PCDHA1: variants seen among roughly 807,000 people sequenced by gnomAD.
PCDHA1 encodes protocadherin alpha 1.
A neutral mutation model predicts 61.3 loss-of-function variants in PCDHA1; 42 were observed. The ratio of observed to expected loss-of-function variants is 0.69; its 90% confidence interval spans 0.54 to 0.89. PCDHA1 has a LOEUF of 0.89. Ranked by LOEUF, PCDHA1 falls within the 40% of genes least tolerant of loss-of-function variation. The pLI is 0.00. For synonymous variants in PCDHA1, 610 were observed against 553.8 expected (o/e 1.10, Z -1.43); for missense variants, 1,256 against 1,235.3 (o/e 1.02, Z -0.25).
At chr5:141,004,378 G>A (rs914260481) in intron 3 of PCDHA1, among the ~76,000 whole-genome samples, 3 of 152,198 alleles carry the variant, frequency 2.0e-5, no homozygotes, top group Admixed American at 6.5e-5. Context: ...TCTGCTCTGC[G>A]GAAGCTGGAC....
rs550922282 is a variant in PCDHA1, at chr5:140,927,864, T to C, written c.2395-51085T>C. On this transcript the variant is annotated intron_variant, in intron 1 of 3. Transcript: ENST00000504120. The stretch of plus-strand genomic sequence containing the variant: ...GTGTCTTTGGTTTAGCTAGCACCGC[T>C]AAACTGCTGGTGGAGGTGACTGACG... The C allele has an allele frequency of 6.8e-6, 11 of 1,614,200 alleles. No homozygotes were observed. In the South Asian group the frequency reaches 1.2e-4, roughly 18 times the overall value.
chr5:140,929,557 A>G (rs782792383), intron 1 of PCDHA1: 64 of 478,142 alleles, frequency 1.3e-4, no homozygotes, highest in Non-Finnish European at 1.9e-4. Flanking sequence ...ATTAAAACCT[A>G]TTTAAGAACA....
chr5:140,793,577 G>A (rs1416631361), intron 1 of PCDHA1, among the ~76,000 whole-genome samples: 2 of 152,112 alleles, frequency 1.3e-5, no homozygotes, highest in African/African-American at 4.8e-5. Flanking sequence ...CTTTGCTCTA[G>A]GAAGCTGAAA....
rs2150133814 is a variant in PCDHA1 at position 140,824,269 on chromosome 5, A to G, written c.2394+35585A>G. 4 of 1,222,710 alleles carry G rather than the reference A, an allele frequency of 3.3e-6. No homozygotes were observed. The South Asian group carries it at 5.6e-5, about 17-fold the overall frequency. The allele number at this position is 1,222,710 out of a possible 1,614,324, so 75.7% of individuals were successfully genotyped here. On this transcript the variant is annotated intron_variant, in intron 1 of 3. Coordinates refer to ENST00000504120, the MANE Select transcript of PCDHA1 (RefSeq NM_018900.4). ...ACACAATTATTGCACTAATTCATGT[A>G]TTATATGCTTTTTATGAGGCTTTTC...
At chr5:140,875,979 C>T in intron 1 of PCDHA1, 5 of 1,613,984 alleles carry the variant, frequency 3.1e-6, no homozygotes, top group Non-Finnish European at 4.2e-6. Context: ...CTCTTTTGAC[C>T]TATGCGTTAA....
intron 1 of PCDHA1, chr5:140,842,490 T>G: frequency 6.2e-7 from 1 of 1,613,916 alleles, no homozygotes; most frequent in Non-Finnish European, 8.5e-7. Context: ...TGCTCCCTGA[T>G]GCCCCATGTC....
chr5:140,834,926 C>T (rs2150229096), intron 1 of PCDHA1: 1 of 1,582,826 alleles, frequency 6.3e-7, no homozygotes, highest in African/African-American at 1.4e-5. Context: ...TCTTCCTGGA[C>T]GTGCCAACCA....
chr5:140,999,450 A>G (rs2097858332), intron 3 of PCDHA1, among the ~76,000 whole-genome samples: 1 of 152,198 alleles, frequency 6.6e-6, no homozygotes, highest in Admixed American at 6.5e-5. Flanking sequence ...TATTCGTTCA[A>G]CGAATAAGTG....
At chr5:141,001,624 CG>C (rs1335079944) in intron 3 of PCDHA1, among the ~76,000 whole-genome samples, 1 of 151,678 alleles carries the variant, frequency 6.6e-6, no homozygotes, top group African/African-American at 2.4e-5. Context: ...AAAGGACTGG[CG>C]GGGGTTGGGG....
chr5:140,971,284 A>G lies in PCDHA1; in HGVS notation c.2395-7665A>G, dbSNP rs573117700. 1.7e-3 allele frequency among the ~76,000 whole-genome samples: 257 copies of G among 152,334 alleles called. 1 individual carries two copies. The highest frequency in any genetic ancestry group is 3.4e-3 in the Non-Finnish European group (234 of 68,028). ...CTGTCTTACACTGACCTGTATATTAATATGTACTTTGGTACACAAACATTT... is the reference window on the plus strand; with the variant it reads ...CTGTCTTACACTGACCTGTATATTAGTATGTACTTTGGTACACAAACATTT... On this transcript the variant is annotated intron_variant, in intron 1 of 3. Transcript: ENST00000504120.
At chr5:140,866,149 T>A (rs1554160036) in intron 1 of PCDHA1, 2 of 152,248 alleles carry the variant, frequency 1.3e-5, no homozygotes, top group Non-Finnish European at 2.9e-5. Context: ...GGAAGTGATA[T>A]AAGTAAGAAT....
chr5:141,010,315 T>G lies in PCDHA1; in HGVS notation c.*378T>G. ...AGGGCAGGCTGAAAAGTTTTGAGAT[T>G]GAGCAGCTTGGGAGTTTGTGGCCAC... On this transcript the variant is annotated 3_prime_UTR_variant, in exon 4 of 4. Transcript: ENST00000504120. 2.6e-6 allele frequency: 4 copies of G among 1,546,626 alleles called. No homozygotes were observed. Among genetic ancestry groups the G allele is most frequent in the Non-Finnish European group, 3.5e-6 (4 of 1,145,530 alleles).
At position 140,882,738 on chromosome 5, in the gene PCDHA1, C is replaced by T. The variant is rs1005115100; in HGVS notation, c.2394+94054C>T. 8.1e-6 allele frequency: 13 copies of T among 1,614,118 alleles called. No individual in the cohort carries two copies. The highest frequency in any genetic ancestry group is 1.3e-5 in the African/African-American group (1 of 74,942). ...GAAACTCGATTTCCACTAGATGGCG[C>T]ATCCGATGCAGATATTGGAGTAAAC... On this transcript the variant is annotated intron_variant, in intron 1 of 3. Transcript: ENST00000504120.
At chr5:140,836,649 CA>C (rs1774652282) in intron 1 of PCDHA1, 1 of 1,613,348 alleles carries the variant, frequency 6.2e-7, no homozygotes, top group African/African-American at 1.3e-5. Context: ...GCAGAGGCGG[CA>C]GAGGGTGTGC....
chr5:140,979,033 C>T, intron 2 of PCDHA1, 26 bp downstream of exon 2: 1 of 1,613,044 alleles, frequency 6.2e-7, no homozygotes, highest in Non-Finnish European at 8.5e-7. Flanking sequence ...CTCATTCACT[C>T]AGAAGTAACC....
At position 140,856,409 on chromosome 5, in the gene PCDHA1, G is replaced by A; in HGVS notation, c.2394+67725G>A. 1.3e-6 allele frequency: 2 copies of A among 1,598,530 alleles called. 1 individual carries two copies. Among genetic ancestry groups the A allele is most frequent in the Non-Finnish European group, 1.7e-6 (2 of 1,167,974 alleles). On this transcript the variant is annotated intron_variant, in intron 1 of 3. Coordinates refer to ENST00000504120, the MANE Select transcript of PCDHA1 (RefSeq NM_018900.4). ...GCTGCAGGTTTTCCATGTGGACGTG[G>A]AAGTGAAGGACATTAACGACAACCC...
At chr5:140,876,323 T>C (rs1554168484) in intron 1 of PCDHA1, 1 of 1,614,000 alleles carries the variant, frequency 6.2e-7, no homozygotes, top group Middle Eastern at 1.6e-4. Context: ...ATCAAAATGA[T>C]TTTGCCAGTG....
intron 1 of PCDHA1, chr5:140,827,999 G>T: frequency 6.7e-7 from 1 of 1,484,114 alleles, no homozygotes; most frequent in Non-Finnish European, 9.0e-7. Context: ...GATGGCGGAC[G>T]CAGAAGAAAT....
chr5:140,809,290 C>T, intron 1 of PCDHA1: 1 of 1,614,126 alleles, frequency 6.2e-7, no homozygotes, highest in South Asian at 1.1e-5. Flanking sequence ...TATACCTGAT[C>T]ATTGCCATCT....
Sources: gnomAD v4.1 joint callset for allele counts (sites outside exome capture counted in the v4.1 genomes callset) on GRCh38, gnomAD v4.1.1 for gene constraint, MANE v1.5 for transcripts, NCBI Gene and HGNC (gene_info 2026-07-23, HGNC 2026-07-21) for gene names.